ANKRD31: variants seen among roughly 807,000 people sequenced by gnomAD.
ANKRD31 encodes ankyrin repeat domain-containing protein 31.
A neutral mutation model predicts 186.0 loss-of-function variants in ANKRD31; 147 were observed. The observed-to-expected ratio is 0.79, with a 90% confidence interval of 0.69 to 0.91. The LOEUF is 0.91. Ranked by LOEUF, ANKRD31 falls within the 40% of genes least tolerant of loss-of-function variation. The pLI, the probability that ANKRD31 is intolerant of heterozygous loss-of-function variation, is 0.00. For synonymous variants in ANKRD31, 673 were observed against 736.4 expected (o/e 0.91, Z 1.39); for missense variants, 1,986 against 2,148.8 (o/e 0.92, Z 1.50).
intron 14 of ANKRD31, among the ~76,000 whole-genome samples, 184 bp downstream of exon 14, chr5:75,145,803 C>T (rs867897008): frequency 2.6e-5 from 4 of 152,006 alleles, no homozygotes; most frequent in African/African-American, 9.7e-5. Context: ...TTGATAACAT[C>T]GTTTTGACTT....
intron 15 of ANKRD31, 76 bp from the exon 16 acceptor site, chr5:75,139,059 C>A (rs1750819713): frequency 4.1e-6 from 6 of 1,461,484 alleles, no homozygotes; most frequent in Middle Eastern, 1.8e-4. Context: ...AAATACATAA[C>A]AACTTCCTCA....
At chr5:75,192,901 C>T (rs908040133) in intron 8 of ANKRD31, 125 bp from the exon 9 acceptor site, 59 of 744,520 alleles carry the variant, frequency 7.9e-5, no homozygotes, top group East Asian at 6.0e-4. Flanking sequence ...TCTCAAGTGG[C>T]GTGGCAGTTT....
At chr5:75,127,184 C>CA (rs5868764) in intron 17 of ANKRD31, among the ~76,000 whole-genome samples, 24,542 of 120,174 alleles carry the variant, frequency 0.2, 2,443 homozygotes, top group African/African-American at 0.3. Flanking sequence ...GACTCCATCT[C>CA]AAAAAAAAAA....
intron 20 of ANKRD31, among the ~76,000 whole-genome samples, chr5:75,111,192 T>G (rs1364706243): frequency 8.1e-6 from 1 of 123,036 alleles, no homozygotes; most frequent in Non-Finnish European, 1.6e-5. Flanking sequence ...TGCATTACTA[T>G]GTTCTTAGAC....
chr5:75,184,254 G>A (rs1754543222), intron 10 of ANKRD31, among the ~76,000 whole-genome samples: 1 of 152,004 alleles, frequency 6.6e-6, no homozygotes, highest in Non-Finnish European at 1.5e-5. Flanking sequence ...TCAACTCAAA[G>A]TGGACTAAAA....
At chr5:75,096,432 T>C (rs1430802940) in intron 22 of ANKRD31, among the ~76,000 whole-genome samples, 2 of 152,300 alleles carry the variant, frequency 1.3e-5, no homozygotes, top group African/African-American at 2.4e-5. Flanking sequence ...GGTGGATAGA[T>C]TGCAAAATTT....
At chr5:75,096,137 G>C (rs952415069) in intron 22 of ANKRD31, among the ~76,000 whole-genome samples, 1 of 152,182 alleles carries the variant, frequency 6.6e-6, no homozygotes, top group African/African-American at 2.4e-5. Flanking sequence ...CCCACCAACA[G>C]TGTAAAAGCA....
chr5:75,159,935 A>G (rs1752460030), intron 11 of ANKRD31, among the ~76,000 whole-genome samples: 2 of 152,112 alleles, frequency 1.3e-5, no homozygotes, highest in Admixed American at 6.5e-5. Flanking sequence ...AATATACTTG[A>G]TAATAATACC....
At chr5:75,156,185 G>A (rs1833793) in intron 11 of ANKRD31, among the ~76,000 whole-genome samples, 76,737 of 151,962 alleles carry the variant, frequency 0.5, 22,318 homozygotes, top group African/African-American at 0.81. Flanking sequence ...GATTACAGGT[G>A]TGAGCCACTG....
intron 6 of ANKRD31, 37 bp downstream of exon 6, chr5:75,199,594 A>G: frequency 6.8e-7 from 1 of 1,468,262 alleles, no homozygotes; most frequent in Non-Finnish European, 9.1e-7. Flanking sequence ...ATCTAAACTC[A>G]CAGTCTACAT....
At chr5:75,099,196 T>A (rs1425982188) in intron 22 of ANKRD31, among the ~76,000 whole-genome samples, 1 of 152,016 alleles carries the variant, frequency 6.6e-6, no homozygotes, top group Non-Finnish European at 1.5e-5. Context: ...AATCATGGGG[T>A]TTTTGTCTTT....
rs557475882 is a variant in ANKRD31 at position 75,107,942 on chromosome 5, T to C, written c.4244-325A>G. On this transcript the variant is annotated intron_variant, in intron 20 of 25. Coordinates refer to ENST00000506364, the MANE Select transcript of ANKRD31 (RefSeq NM_001372053.1). ...GAAATGAAGGTAGTAAAGGAAGATATTTTGTTTGTTAAAATTATTTCATTT... is the reference window on the plus strand; with the variant it reads ...GAAATGAAGGTAGTAAAGGAAGATACTTTGTTTGTTAAAATTATTTCATTT... Among the ~76,000 whole-genome samples, 247 of 152,196 alleles carry C rather than the reference T, an allele frequency of 1.6e-3. 3 individuals are homozygous for C. The highest frequency in any genetic ancestry group is 0.01 in the Middle Eastern group (3 of 294).
chr5:75,215,214 GTTCTAT>G (rs575030522), intron 3 of ANKRD31, among the ~76,000 whole-genome samples: 152 of 152,224 alleles, frequency 1.0e-3, no homozygotes, highest in African/African-American at 3.2e-3. Flanking sequence ...AGGTCTTTTT[GTTCTAT>G]TCAGGTCTTC....
intron 20 of ANKRD31, among the ~76,000 whole-genome samples, 170 bp downstream of exon 20, chr5:75,112,343 A>C (rs1017894831): frequency 6.6e-6 from 1 of 152,144 alleles, no homozygotes; most frequent in African/African-American, 2.4e-5. Context: ...CTTACTTTTA[A>C]AGTAAGTCTA....
At chr5:75,123,935 A>G (rs994194680) in intron 17 of ANKRD31, among the ~76,000 whole-genome samples, 4 of 152,064 alleles carry the variant, frequency 2.6e-5, no homozygotes, top group East Asian at 3.8e-4. Context: ...ATATGAAACT[A>G]TATTAAACTA....
rs2150056970 is a variant in ANKRD31, at chr5:75,104,403, A to G, written c.5156T>C (p.Val1719Ala). The G allele has an allele frequency of 1.3e-6, 2 of 1,537,216 alleles. No homozygotes were observed. The highest frequency in any genetic ancestry group is 4.9e-5 in the East Asian group (2 of 40,906). ...GATCTGACTGTCATCTGCACATGGA[A>G]CAACAGAAACTGATTTTTTAAGATA... Reference protein sequence around the residue: ...KPYLKKSVSVVPCADDSQISS... With the variant: ...KPYLKKSVSVAPCADDSQISS... The change falls in exon 22 of 26, where the codon GTT (valine) becomes GCT (alanine). Residue 1719 changes from valine (V) to alanine (A), a missense_variant. By Grantham distance (64) the Val-to-Ala change is moderately conservative (BLOSUM62 0). Coordinates refer to ENST00000506364, the MANE Select transcript of ANKRD31 (RefSeq NM_001372053.1).
chr5:75,105,059 T>C lies in ANKRD31; in HGVS notation c.4500A>G (p.Leu1500=). The part of the protein sequence containing the change: ...RNVTSLPCLS[L]RKLPPRSEIS... Reference sequence around the variant, plus strand: ...TTTCTGATCTGGGTGGGAGCTTCCTTAAACTAAGACAAGGCAATGATGTAA... The same window carrying C: ...TTTCTGATCTGGGTGGGAGCTTCCTCAAACTAAGACAAGGCAATGATGTAA... The change falls in exon 22 of 26, where the codon TTA becomes TTG. Residue 1500 remains leucine (L), a synonymous_variant. Transcript: ENST00000506364. 6.5e-7 allele frequency: 1 copy of C among 1,536,968 alleles called. No homozygotes were observed. The highest frequency in any genetic ancestry group is 1.2e-5 in the South Asian group (1 of 84,008).
At chr5:75,170,045 G>C (rs1486470652) in intron 10 of ANKRD31, among the ~76,000 whole-genome samples, 2 of 152,050 alleles carry the variant, frequency 1.3e-5, no homozygotes, top group Non-Finnish European at 1.5e-5. Flanking sequence ...GAAATGAAGA[G>C]ACCCCAAAAT....
chr5:75,153,286 C>T (rs1341250029), intron 12 of ANKRD31, among the ~76,000 whole-genome samples: 1 of 152,054 alleles, frequency 6.6e-6, no homozygotes, highest in Non-Finnish European at 1.5e-5. Context: ...TTAAACTGCT[C>T]CCAGAATCCT....
Sources: allele counts gnomAD v4.1 joint callset (sites outside exome capture counted in the v4.1 genomes callset), GRCh38; gene constraint gnomAD v4.1.1; transcripts MANE v1.5; gene names NCBI Gene and HGNC (gene_info 2026-07-23, HGNC 2026-07-21).